VCL: variants seen among roughly 807,000 people sequenced by gnomAD.
The protein encoded by VCL is vinculin, also known as epididymis luminal protein 114.
A neutral mutation model predicts 125.7 loss-of-function variants in VCL; 47 were observed. The observed-to-expected ratio is 0.37, with a 90% confidence interval of 0.30 to 0.48. VCL has a LOEUF of 0.48. Ranked by LOEUF, VCL falls within the 20% of genes least tolerant of loss-of-function variation. The pLI, the probability that VCL is intolerant of heterozygous loss-of-function variation, is 0.99. For synonymous variants in VCL, 458 were observed against 514.6 expected, an observed-to-expected ratio of 0.89 and a Z score of 1.49; for missense variants, 1,069 against 1,455.5, an observed-to-expected ratio of 0.73 and a Z score of 4.32.
chr10:74,082,047 T>C (rs999045751), intron 6 of VCL, among the ~76,000 whole-genome samples: 2 of 152,180 alleles, frequency 1.3e-5, no homozygotes, highest in African/African-American at 4.8e-5. Context: ...CACCACATAC[T>C]AACGAGGCTT....
intron 21 of VCL, among the ~76,000 whole-genome samples, chr10:74,117,162 A>C (rs1840322724): frequency 6.6e-6 from 1 of 152,150 alleles, no homozygotes; most frequent in South Asian, 2.1e-4. Context: ...AAAATTCATT[A>C]ATTAAATATT....
intron 8 of VCL, among the ~76,000 whole-genome samples, chr10:74,087,825 A>G (rs1271396288): frequency 2.0e-5 from 3 of 152,004 alleles, no homozygotes; most frequent in Non-Finnish European, 4.4e-5. Flanking sequence ...AAAATACAAA[A>G]ATTAGCCAGG....
chr10:74,029,469 A>T (rs1446829084), intron 1 of VCL, among the ~76,000 whole-genome samples: 1 of 152,172 alleles, frequency 6.6e-6, no homozygotes, highest in Non-Finnish European at 1.5e-5. Flanking sequence ...AAGCTTAGTC[A>T]TGGTATCTTC....
chr10:74,060,655 C>CAAAA (rs11398822), intron 2 of VCL, among the ~76,000 whole-genome samples: 1 of 109,232 alleles, frequency 9.2e-6, no homozygotes, highest in African/African-American at 3.4e-5. Context: ...GACTCTGTCT[C>CAAAA]AAAAAAAAAA....
At chr10:74,048,477 A>G (rs888800305) in intron 2 of VCL, among the ~76,000 whole-genome samples, 6 of 151,898 alleles carry the variant, frequency 4.0e-5, no homozygotes, top group Non-Finnish European at 8.8e-5. Flanking sequence ...AAAAAAAAAA[A>G]AAAGAAAAGA....
intron 8 of VCL, 132 bp downstream of exon 8, chr10:74,083,645 A>G (rs1839716652): frequency 8.8e-7 from 1 of 1,141,590 alleles, no homozygotes; most frequent in Non-Finnish European, 1.3e-6. Flanking sequence ...ATAGTCTATT[A>G]AATTCTTTTG....
At chr10:74,114,761 C>G (rs749511632) in intron 20 of VCL, 34 bp from the exon 21 acceptor site, 4 of 1,567,642 alleles carry the variant, frequency 2.6e-6, no homozygotes, top group Non-Finnish European at 3.5e-6. Flanking sequence ...GCAAGGCAAA[C>G]AGAGAAACAT....
intron 1 of VCL, among the ~76,000 whole-genome samples, chr10:73,998,796 G>C (rs1840167652): frequency 6.6e-6 from 1 of 152,228 alleles, no homozygotes; most frequent in African/African-American, 2.4e-5. Context: ...CCTCGATCTG[G>C]CTGTGCGGGG....
In VCL at chr10:73,998,297, C is replaced by A; in HGVS notation, c.90C>A (p.Gly30=). 6.3e-7 allele frequency: 1 copy of A among 1,599,634 alleles called. No homozygotes were observed. The highest frequency in any genetic ancestry group is 8.5e-7 in the Non-Finnish European group (1 of 1,172,818). Residue 30 remains glycine, a synonymous_variant, in exon 1 of 22, where the codon GGC becomes GGA. Transcript: ENST00000211998. ...ISHLVIMHEE[G]EVDGKAIPDL... ...ACCTGGTGATAATGCACGAGGAGGG[C>A]GAGGTGGACGGCAAAGCCATTCCTG...
intron 1 of VCL, 144 bp from the exon 2 acceptor site, chr10:74,042,939 A>T (rs1476851902): frequency 1.0e-5 from 8 of 769,966 alleles, no homozygotes; most frequent in African/African-American, 1.8e-5. Context: ...ATCCTAAAAA[A>T]TTTTTTAAAT....
Position 74,036,353 on chromosome 10 carries a change from C to G in VCL, c.169-6730C>G, listed in dbSNP as rs182233386. Among the ~76,000 whole-genome samples the G allele has an allele frequency of 5.9e-5, 9 of 152,174 alleles. No homozygotes were observed. In the East Asian group the frequency reaches 1.7e-3, roughly 29 times the overall value. The stretch of plus-strand genomic sequence containing the variant: ...GAGTAGCTGGGATTACAGGCGCCCA[C>G]CATCACGCCCGGCCAATTTTTATAT... On this transcript the variant is annotated intron_variant, in intron 1 of 21. Transcript: ENST00000211998.
intron 2 of VCL, among the ~76,000 whole-genome samples, chr10:74,044,969 A>G (rs1248924450): frequency 6.6e-6 from 1 of 151,964 alleles, no homozygotes; most frequent in Non-Finnish European, 1.5e-5. Flanking sequence ...ACTTGAGCCT[A>G]GGAGTTTGAG....
chr10:74,084,649 G>C (rs1056778835), intron 8 of VCL, among the ~76,000 whole-genome samples: 2 of 151,370 alleles, frequency 1.3e-5, no homozygotes, highest in South Asian at 4.2e-4. Flanking sequence ...ATTCGCTCTT[G>C]TTGCCCAGGC....
chr10:74,095,548 T>C, intron 11 of VCL, 108 bp from the exon 12 acceptor site: 6 of 1,418,106 alleles, frequency 4.2e-6, no homozygotes, highest in Non-Finnish European at 2.9e-6. Context: ...GTTGTTCCAC[T>C]GCACTCCAGC....
At chr10:74,065,371 T>A (rs111598996) in intron 2 of VCL, among the ~76,000 whole-genome samples, 9,559 of 151,944 alleles carry the variant, frequency 0.063, 1,038 homozygotes, top group African/African-American at 0.22. Flanking sequence ...TCCTGACCTC[T>A]AGTGATCCAC....
intron 1 of VCL, among the ~76,000 whole-genome samples, chr10:74,026,676 A>G (rs1024538896): frequency 6.6e-6 from 1 of 152,196 alleles, no homozygotes; most frequent in Admixed American, 6.5e-5. Context: ...TATGTATTAC[A>G]TCATTTATCT....
chr10:74,054,047 C>A (rs1014785668), intron 2 of VCL, among the ~76,000 whole-genome samples: 1 of 151,714 alleles, frequency 6.6e-6, no homozygotes, highest in Admixed American at 6.6e-5. Flanking sequence ...CTTGGAAATT[C>A]TTTTGTTACA....
chr10:74,110,865 C>T lies in VCL; in HGVS notation c.2746-1044C>T, dbSNP rs528761877. ...TTTTCTTTCCATGTTAGTCTATTTTCAGCATCTGGCTTTTATAATCTCCAT... is the reference window on the plus strand; with the variant it reads ...TTTTCTTTCCATGTTAGTCTATTTTTAGCATCTGGCTTTTATAATCTCCAT... On this transcript the variant is annotated intron_variant, in intron 18 of 21. Transcript: ENST00000211998. Among the ~76,000 whole-genome samples the T allele has an allele frequency of 3.3e-5, 5 of 152,266 alleles. No homozygotes were observed. The South Asian group carries it at 1.0e-3, about 32-fold the overall frequency.
chr10:74,064,062 C>T (rs922360468), intron 2 of VCL, among the ~76,000 whole-genome samples: 1 of 152,224 alleles, frequency 6.6e-6, no homozygotes, highest in African/African-American at 2.4e-5. Context: ...GGTATACCCA[C>T]ACTTCTGTCT....
Sources: allele counts gnomAD v4.1 joint callset (sites outside exome capture counted in the v4.1 genomes callset), GRCh38; gene constraint gnomAD v4.1.1; transcripts MANE v1.5; gene names NCBI Gene and HGNC (gene_info 2026-07-23, HGNC 2026-07-21).